Variants in PCSK6 observed in about 807,000 individuals in gnomAD.
PCSK6 encodes paired basic amino acid cleaving enzyme 4.
In PCSK6, 85 loss-of-function variants were observed where a neutral mutation model predicts 123.3. The observed-to-expected ratio is 0.69, with a 90% CI of 0.58 to 0.83. The LOEUF is 0.83. Among genes scored for constraint, PCSK6 ranks in the 40% least tolerant of loss-of-function variants. The pLI is 0.00. For missense variants in PCSK6, 1,191 were observed against 1,282.3 expected (o/e 0.93, Z 1.09); for synonymous variants, 508 against 516.0 (o/e 0.98, Z 0.21).
chr15:101,417,673 T>A (rs2055934702), intron 6 of PCSK6, among the ~76,000 whole-genome samples: 1 of 151,930 alleles, frequency 6.6e-6, no homozygotes, highest in Non-Finnish European at 1.5e-5. Flanking sequence ...TTAGAACACA[T>A]AAAATCCTGA....
At chr15:101,428,087 G>A (rs2056320896) in intron 5 of PCSK6, 107 bp from the exon 6 acceptor site, 2 of 921,712 alleles carry the variant, frequency 2.2e-6, no homozygotes, top group Non-Finnish European at 3.3e-6. Context: ...CCGAAGCCCA[G>A]AGATGTCATT....
At chr15:101,320,190 A>T (rs1289239998) in intron 18 of PCSK6, among the ~76,000 whole-genome samples, 1 of 152,176 alleles carries the variant, frequency 6.6e-6, no homozygotes, top group Non-Finnish European at 1.5e-5. Flanking sequence ...GGTTCAAGCG[A>T]TTCTCCTGCC....
Position 101,489,582 on chromosome 15 carries a change from G to A in PCSK6, c.89C>T (p.Ala30Val), listed in dbSNP as rs932549732. The change falls in exon 1 of 22, where the codon GCG becomes GTG. Residue 30 changes from alanine to valine, a missense_variant. Physicochemically the swap from Ala to Val is moderately conservative, Grantham distance 64. Coordinates refer to ENST00000611716, the MANE Select transcript of PCSK6 (RefSeq NM_002570.5). ...ATDTAAGAGG[A>V]GGAGGAGGPG... is the part of the protein sequence containing the mutation. ...CCCGCCGGCGCCCCCCGCGCCCCCC[G>A]CGCCCCCCGCGCCCGCGGCGGTGTC... The A allele has an allele frequency of 2.1e-6, 2 of 974,608 alleles. No individual in the cohort carries two copies. Among genetic ancestry groups the A allele is most frequent in the African/African-American group, 3.6e-5 (2 of 55,784 alleles). 60.4% of individuals were successfully genotyped at this position (974,608 alleles called of 1,614,324 possible). A position where few individuals can be genotyped will look rare whatever the true frequency, so the allele number is the denominator to read the frequency against.
intron 6 of PCSK6, among the ~76,000 whole-genome samples, chr15:101,411,331 T>C (rs2055676207): frequency 6.6e-6 from 1 of 152,082 alleles, no homozygotes; most frequent in East Asian, 1.9e-4. Flanking sequence ...AGCAGAGTCA[T>C]CTTGAGGCTG....
chr15:101,374,287 AT>A (rs35543862), intron 11 of PCSK6, among the ~76,000 whole-genome samples: 9 of 151,076 alleles, frequency 6.0e-5, no homozygotes, highest in Admixed American at 3.3e-4. Flanking sequence ...GCCTCCTCCT[AT>A]TTTTTTTTCC....
At chr15:101,456,399 C>T (rs1345120620) in intron 1 of PCSK6, among the ~76,000 whole-genome samples, 1 of 152,192 alleles carries the variant, frequency 6.6e-6, no homozygotes, top group Non-Finnish European at 1.5e-5. Context: ...GTCTGGAACC[C>T]TTGTCCTTGT....
At chr15:101,314,892 T>C (rs921479237) in intron 19 of PCSK6, among the ~76,000 whole-genome samples, 11 of 152,324 alleles carry the variant, frequency 7.2e-5, no homozygotes, top group African/African-American at 2.6e-4. Context: ...GCTGCTCGTA[T>C]GCTTTGGCCA....
intron 1 of PCSK6, among the ~76,000 whole-genome samples, chr15:101,481,228 G>A (rs546276150): frequency 3.3e-5 from 5 of 152,226 alleles, no homozygotes; most frequent in Admixed American, 6.5e-5. Flanking sequence ...GGGCCCAGAC[G>A]AAGGGTACAT....
At chr15:101,355,384 A>C (rs572381145) in intron 13 of PCSK6, among the ~76,000 whole-genome samples, 1 of 152,350 alleles carries the variant, frequency 6.6e-6, no homozygotes, top group Admixed American at 6.5e-5. Context: ...GATGTCTCAC[A>C]ATTCTCCCTG....
intron 1 of PCSK6, among the ~76,000 whole-genome samples, chr15:101,471,169 T>C (rs1280188628): frequency 2.0e-5 from 3 of 152,188 alleles, no homozygotes; most frequent in Non-Finnish European, 4.4e-5. Flanking sequence ...TCCTTTCAGA[T>C]GCCAGTGTAG....
At chr15:101,439,538 C>A (rs963667918) in intron 2 of PCSK6, among the ~76,000 whole-genome samples, 1 of 152,218 alleles carries the variant, frequency 6.6e-6, no homozygotes, top group Non-Finnish European at 1.5e-5. Flanking sequence ...GCTGCCTGGC[C>A]CTGCCCTCAG....
intron 8 of PCSK6, among the ~76,000 whole-genome samples, chr15:101,392,593 C>CTTTTTTTTTTT (rs10525638): frequency 0.015 from 1,852 of 122,150 alleles, 57 homozygotes; most frequent in Admixed American, 0.029. Flanking sequence ...CTCCCTTCCT[C>CTTTTTTTTTTT]TTTTTTTTTT....
At chr15:101,434,397 C>T (rs1230464889) in intron 2 of PCSK6, among the ~76,000 whole-genome samples, 1 of 152,226 alleles carries the variant, frequency 6.6e-6, no homozygotes, top group Non-Finnish European at 1.5e-5. Flanking sequence ...TCTGCCCTTC[C>T]AAGCCCAAGT....
Position 101,465,215 on chromosome 15 carries a change from C to G in PCSK6, c.298-21555G>C, listed in dbSNP as rs140399317. ...CCTCAGCCTGTCCTCACACGTTCCC[C>G]AGACTCGCATGGCCACTTGTTGCCA... On this transcript the variant is annotated intron_variant, in intron 1 of 21. Transcript: ENST00000611716. 9.1e-3 allele frequency among the ~76,000 whole-genome samples: 1,388 copies of G among 152,334 alleles called. 10 individuals carry two copies. Among genetic ancestry groups the G allele is most frequent in the Middle Eastern group, 0.051 (15 of 294 alleles).
At chr15:101,376,128 T>C (rs983864848) in intron 11 of PCSK6, among the ~76,000 whole-genome samples, 3 of 152,192 alleles carry the variant, frequency 2.0e-5, no homozygotes, top group Non-Finnish European at 4.4e-5. Context: ...GGTCTCACTC[T>C]GTCACCCAGG....
intron 1 of PCSK6, among the ~76,000 whole-genome samples, chr15:101,488,036 C>G (rs1472598576): frequency 2.0e-5 from 3 of 152,114 alleles, no homozygotes; most frequent in African/African-American, 7.2e-5. Context: ...GTGAAGATTC[C>G]TTCATTCGAA....
At chr15:101,454,394 T>A (rs1471431504) in intron 1 of PCSK6, among the ~76,000 whole-genome samples, 3 of 151,918 alleles carry the variant, frequency 2.0e-5, no homozygotes, top group African/African-American at 7.3e-5. Flanking sequence ...GCTGGTTGAG[T>A]GGATCGACAA....
chr15:101,387,794 G>A (rs912753921), intron 9 of PCSK6, among the ~76,000 whole-genome samples: 2 of 28,124 alleles, frequency 7.1e-5, no homozygotes, highest in African/African-American at 1.4e-4. Context: ...AGAGAGAGAA[G>A]GCGGCCTGGG....
chr15:101,429,891 G>T, intron 5 of PCSK6, 96 bp downstream of exon 5: 1 of 1,075,524 alleles, frequency 9.3e-7, no homozygotes, highest in Non-Finnish European at 1.4e-6. Context: ...AGATACGCCG[G>T]CAGCCACCGC....
Sources: allele counts gnomAD v4.1 joint callset (sites outside exome capture counted in the v4.1 genomes callset), GRCh38; gene constraint gnomAD v4.1.1; transcripts MANE v1.5; gene names NCBI Gene and HGNC (gene_info 2026-07-23, HGNC 2026-07-21).